GRWD1: variants seen among roughly 807,000 people sequenced by gnomAD.
GRWD1 encodes glutamate rich WD repeat containing 1, also known as glutamate-rich WD repeat-containing protein 1.
GRWD1 carries 29 observed loss-of-function variants against 45.3 expected under a neutral mutation model. The ratio of observed to expected loss-of-function variants is 0.64; its 90% CI spans 0.48 to 0.87. GRWD1 has a LOEUF of 0.87. Ranked by LOEUF, GRWD1 falls within the 40% of genes least tolerant of loss-of-function variation. The pLI is 0.00. For synonymous variants in GRWD1, 262 were observed against 257.6 expected (o/e 1.02, Z -0.16); for missense variants, 592 against 618.8 (o/e 0.96, Z 0.46).
At chr19:48,449,075 G>A (rs1214039477) in intron 3 of GRWD1, among the ~76,000 whole-genome samples, 1 of 152,158 alleles carries the variant, frequency 6.6e-6, no homozygotes, top group Non-Finnish European at 1.5e-5. Context: ...TAGACATCAT[G>A]AGAAGGGGGT....
At chr19:48,446,934 CTTTTTTTTTTT>C (rs752488198) in intron 3 of GRWD1, 91 bp downstream of exon 3, 29 of 606,772 alleles carry the variant, frequency 4.8e-5, no homozygotes, top group Admixed American at 3.6e-4. Flanking sequence ...TCCTCATGTT[CTTTTTTTTTTT>C]TTTTTTTTTG....
Position 48,455,635 on chromosome 19 carries a change from C to G in GRWD1, c.*2610C>G, listed in dbSNP as rs1459650796. The G allele has an allele frequency of 1.3e-5, 2 of 152,172 alleles. No individual in the cohort carries two copies. Among genetic ancestry groups the G allele is most frequent in the East Asian group, 3.9e-4 (2 of 5,190 alleles). The allele number at this position is 152,172 out of a possible 1,614,324, so 9.4% of individuals were successfully genotyped here. ...CGCAGATGGCCCCCTGGTGAAGGTT[C>G]CCGTTGGCTTTGGGAAGTAGACAAC... On this transcript the variant is annotated 3_prime_UTR_variant, in exon 7 of 7. Transcript: ENST00000253237.
chr19:48,452,825 T>G lies in GRWD1; in HGVS notation c.1141T>G (p.Trp381Gly). Residue 381 changes from tryptophan (W) to glycine (G), a missense_variant, in exon 7 of 7, where the codon TGG becomes GGG. Transcript: ENST00000253237. This position sits in a 1 kb window ranked among gnomAD's most constrained non-coding sequence, Gnocchi z 5.1. ...GGGTGCAGACCACCAGATCACACAGTGGGACCTGGCAGTGGAGCGGGACCC... is the reference window on the plus strand; with the variant it reads ...GGGTGCAGACCACCAGATCACACAGGGGGACCTGGCAGTGGAGCGGGACCC... Reference protein sequence around the residue: ...ASGADHQITQWDLAVERDPEA... With the variant: ...ASGADHQITQGDLAVERDPEA... 1 of 1,613,608 alleles carries G rather than the reference T, an allele frequency of 6.2e-7. No individual in the cohort carries two copies. The highest frequency in any genetic ancestry group is 8.5e-7 in the Non-Finnish European group (1 of 1,179,724).
intron 3 of GRWD1, among the ~76,000 whole-genome samples, chr19:48,448,249 C>T (rs893757780): frequency 2.0e-5 from 3 of 152,152 alleles, no homozygotes; most frequent in Admixed American, 2.0e-4. Context: ...TGTGTCCAGC[C>T]TGTTTATTTG....
Position 48,450,602 on chromosome 19 carries a change from C to T in GRWD1, c.683-64C>T, listed in dbSNP as rs1971461526. On this transcript the variant is annotated intron_variant, in intron 4 of 6. Coordinates refer to ENST00000253237, the MANE Select transcript of GRWD1 (RefSeq NM_031485.4). The surrounding 1 kb of genome is among the most constrained non-coding windows in gnomAD (Gnocchi z 5.1). ...TGCAACAAGGGGCCGGGCGCTTAGA[C>T]TCCAAGGAGGGGAGCGAGCTGCGGC... 26 of 1,609,664 alleles carry T rather than the reference C, an allele frequency of 1.6e-5. No homozygotes were observed. Among genetic ancestry groups the T allele is most frequent in the Non-Finnish European group, 2.1e-5 (25 of 1,177,354 alleles).
In GRWD1 at chr19:48,456,285, G is replaced by A. The variant is rs1186118855; in HGVS notation, c.*3260G>A. On this transcript the variant is annotated 3_prime_UTR_variant, in exon 7 of 7. Transcript: ENST00000253237. ...CCCCAGGCTGGGGAGGGCTGCAGGT[G>A]TAGATGCTGCATCCTGATGTTGACC... 6.6e-6 allele frequency: 1 copy of A among 152,352 alleles called. No homozygotes were observed. Among genetic ancestry groups the A allele is most frequent in the Non-Finnish European group, 1.5e-5 (1 of 68,138 alleles). The allele number at this position is 152,352 out of a possible 1,614,324, so 9.4% of individuals were successfully genotyped here. A position where few individuals can be genotyped will look rare whatever the true frequency, so the allele number is the denominator to read the frequency against.
chr19:48,451,252 C>T (rs1569079516), intron 6 of GRWD1, 21 bp downstream of exon 6: 1 of 1,548,660 alleles, frequency 6.5e-7, no homozygotes, highest in Admixed American at 2.0e-5. Flanking sequence ...AGCCGGACAC[C>T]TGGGGGCTAG....
intron 3 of GRWD1, among the ~76,000 whole-genome samples, chr19:48,448,076 C>T (rs1192515164): frequency 6.6e-6 from 1 of 152,076 alleles, no homozygotes; most frequent in Non-Finnish European, 1.5e-5. Flanking sequence ...CTCAGCCTCC[C>T]GAGTAGCTGG....
At position 48,453,520 on chromosome 19, in the gene GRWD1, TAG is replaced by T. The variant is rs1377374184; in HGVS notation, c.*499_*500del. 6.5e-6 allele frequency: 1 copy of T among 153,188 alleles called. No homozygotes were observed. The highest frequency in any genetic ancestry group is 6.5e-5 in the Admixed American group (1 of 15,350). 9.5% of individuals were successfully genotyped at this position (153,188 alleles called of 1,614,324 possible). Reference sequence around the variant, plus strand: ...ACCCCGTTAATTTTTGTATTTTTAGTAGAGACGGGGTTTCACCATGTTGGCCA... The same window carrying T: ...ACCCCGTTAATTTTTGTATTTTTAGTAGACGGGGTTTCACCATGTTGGCCA... On this transcript the variant is annotated 3_prime_UTR_variant, in exon 7 of 7. Coordinates refer to ENST00000253237, the MANE Select transcript of GRWD1 (RefSeq NM_031485.4).
rs768464312 is a variant in GRWD1 at position 48,453,121 on chromosome 19, T to C, written c.*96T>C. The C allele has an allele frequency of 2.6e-6, 3 of 1,141,998 alleles. No homozygotes were observed. The highest frequency in any genetic ancestry group is 3.7e-6 in the Non-Finnish European group (3 of 814,400). 70.7% of individuals were successfully genotyped at this position (1,141,998 alleles called of 1,614,324 possible). On this transcript the variant is annotated 3_prime_UTR_variant, in exon 7 of 7. Transcript: ENST00000253237. ...TTCATTCAGGTCTGTTGACTGAGAC[T>C]GGCCGGCCTGTGGGCTGCCGTGATG...
chr19:48,451,322 A>C, intron 6 of GRWD1, 91 bp downstream of exon 6: 2 of 1,140,924 alleles, frequency 1.8e-6, no homozygotes, highest in Non-Finnish European at 1.2e-6. Context: ...GAATAGTTTT[A>C]CACAACCAGA....
In GRWD1 at chr19:48,450,595, G is replaced by A. The variant is rs1324644468; in HGVS notation, c.682+69G>A. On this transcript the variant is annotated intron_variant, in intron 4 of 6. Coordinates refer to ENST00000253237, the MANE Select transcript of GRWD1 (RefSeq NM_031485.4). The surrounding 1 kb of genome is among the most constrained non-coding windows in gnomAD (Gnocchi z 5.1). ...CAGGGTCTGCAACAAGGGGCCGGGC[G>A]CTTAGACTCCAAGGAGGGGAGCGAG... The A allele has an allele frequency of 3.1e-6, 5 of 1,609,502 alleles. No individual in the cohort carries two copies. The highest frequency in any genetic ancestry group is 1.1e-5 in the South Asian group (1 of 91,012).
Position 48,453,177 on chromosome 19 carries a change from G to T in GRWD1, c.*152G>T. On this transcript the variant is annotated 3_prime_UTR_variant, in exon 7 of 7. Coordinates refer to ENST00000253237, the MANE Select transcript of GRWD1 (RefSeq NM_031485.4). ...TGTTTGACGTATTGTTCTCTAGAAG[G>T]CCTGGCTCTGATCCAGTGACCCCTC... 1.5e-6 allele frequency: 1 copy of T among 684,278 alleles called. No individual in the cohort carries two copies. Among genetic ancestry groups the T allele is most frequent in the Non-Finnish European group, 2.4e-6 (1 of 418,610 alleles). 42.4% of individuals were successfully genotyped at this position (684,278 alleles called of 1,614,324 possible). A position where few individuals can be genotyped will look rare whatever the true frequency, so the allele number is the denominator to read the frequency against.
In GRWD1 at chr19:48,450,726, G is replaced by C. The variant is rs1971464071; in HGVS notation, c.743G>C (p.Gly248Ala). The C allele has an allele frequency of 3.1e-6, 5 of 1,614,070 alleles. No individual in the cohort carries two copies. The East Asian group carries it at 1.1e-4, about 36-fold the overall frequency. ...CACCTCTGGACACCTACGGACGGCGGCTCCTGGCACGTGGACCAGCGGCCA... is the reference window on the plus strand; with the variant it reads ...CACCTCTGGACACCTACGGACGGCGCCTCCTGGCACGTGGACCAGCGGCCA... ...NIHLWTPTDG[G>A]SWHVDQRPFV... The change falls in exon 5 of 7, where the codon GGC becomes GCC. Residue 248 changes from glycine to alanine, a missense_variant. Gly to Ala is a moderately conservative substitution (Grantham distance 60). Transcript: ENST00000253237. This position sits in a 1 kb window ranked among gnomAD's most constrained non-coding sequence, Gnocchi z 5.1.
Position 48,453,102 on chromosome 19 carries a change from C to G in GRWD1, c.*77C>G. 1 of 1,359,840 alleles carries G rather than the reference C, an allele frequency of 7.4e-7. No individual in the cohort carries two copies. The highest frequency in any genetic ancestry group is 1.0e-6 in the Non-Finnish European group (1 of 997,918). 84.2% of individuals were successfully genotyped at this position (1,359,840 alleles called of 1,614,324 possible). On this transcript the variant is annotated 3_prime_UTR_variant, in exon 7 of 7. Transcript: ENST00000253237. ...TGGGCTCCCCTGGAAGGGGTTCATT[C>G]AGGTCTGTTGACTGAGACTGGCCGG... is the stretch of plus-strand genomic sequence containing the variant.
In GRWD1 at chr19:48,446,051, C is replaced by T. The variant is rs1256458718; in HGVS notation, c.46C>T (p.Pro16Ser). The T allele has an allele frequency of 1.9e-6, 3 of 1,597,538 alleles. No homozygotes were observed. The highest frequency in any genetic ancestry group is 2.6e-6 in the Non-Finnish European group (3 of 1,173,538). Residue 16 changes from proline to serine, a missense_variant, in exon 1 of 7, where the codon CCC becomes TCC. Physicochemically the swap from Pro to Ser is moderately conservative, Grantham distance 74. Transcript: ENST00000253237. ...GRRRTCETGE[P>S]MEAESGDTSS... ...GCGGCGCACGTGTGAAACCGGGGAA[C>T]CCATGGAAGCCGAGTCCGGCGACAC...
Position 48,453,098 on chromosome 19 carries a change from C to A in GRWD1, c.*73C>A. On this transcript the variant is annotated 3_prime_UTR_variant, in exon 7 of 7. Coordinates refer to ENST00000253237, the MANE Select transcript of GRWD1 (RefSeq NM_031485.4). ...GAATTGGGCTCCCCTGGAAGGGGTT[C>A]ATTCAGGTCTGTTGACTGAGACTGG... is the stretch of plus-strand genomic sequence containing the variant. 7.3e-7 allele frequency: 1 copy of A among 1,378,174 alleles called. No homozygotes were observed. The allele number at this position is 1,378,174 out of a possible 1,614,324, so 85.4% of individuals were successfully genotyped here. A position where few individuals can be genotyped will look rare whatever the true frequency, so the allele number is the denominator to read the frequency against.
At chr19:48,446,582 T>C in intron 2 of GRWD1, 80 bp downstream of exon 2, 1 of 1,568,940 alleles carries the variant, frequency 6.4e-7, no homozygotes, top group Non-Finnish European at 8.7e-7. Context: ...GGGCTTCCAG[T>C]TTCTGCCTCT....
rs757836408 is a variant in GRWD1, at chr19:48,453,019, C to T, written c.1335C>T (p.Ser445=). Residue 445 remains serine (S), a synonymous_variant, in exon 7 of 7, where the codon AGC becomes AGT. Coordinates refer to ENST00000253237, the MANE Select transcript of GRWD1 (RefSeq NM_031485.4). ...LSGFTIFRTI[S]V ...GCTTCACCATCTTCCGCACCATCAG[C>T]GTCTGAGGCGTCCCACTGGCTCTGA... is the stretch of plus-strand genomic sequence containing the variant. 1.0e-5 allele frequency: 16 copies of T among 1,576,864 alleles called. No homozygotes were observed. Among genetic ancestry groups the T allele is most frequent in the Admixed American group, 3.5e-5 (2 of 57,658 alleles).
Sources: allele counts gnomAD v4.1 joint callset (sites outside exome capture counted in the v4.1 genomes callset), GRCh38; gene constraint gnomAD v4.1.1; non-coding constraint Gnocchi (gnomAD v3.1); transcripts MANE v1.5; gene names NCBI Gene and HGNC (gene_info 2026-07-23, HGNC 2026-07-21).